TAF2: variants seen among roughly 807,000 people sequenced by gnomAD.
TAF2 encodes transcription initiation factor TFIID subunit 2.
TAF2 carries 61 observed loss-of-function variants against 138.5 expected under a neutral mutation model. The observed-to-expected ratio is 0.44, with a 90% CI of 0.36 to 0.54. The LOEUF is 0.54. TAF2 is among the 20% of genes least tolerant of loss of function. The pLI, the probability that TAF2 is intolerant of heterozygous loss-of-function variation, is 0.00. For missense variants in TAF2, 1,090 were observed against 1,427.9 expected, an observed-to-expected ratio of 0.76 and a Z score of 3.81; for synonymous variants, 475 against 469.9, an observed-to-expected ratio of 1.01 and a Z score of -0.14.
At chr8:119,832,230 G>A (rs1377871253) in intron 1 of TAF2, among the ~76,000 whole-genome samples, 1 of 150,076 alleles carries the variant, frequency 6.7e-6, no homozygotes, top group Non-Finnish European at 1.5e-5. Context: ...CAACAGTCAC[G>A]AAAACAGATT....
chr8:119,797,982 T>C lies in TAF2; in HGVS notation c.793-136A>G, dbSNP rs571155506. ...ATAATTTCAAGATGCTGAAAGAAAATGTTGTGAAAATAGTGATCACTTTTA... is the reference window on the plus strand; with the variant it reads ...ATAATTTCAAGATGCTGAAAGAAAACGTTGTGAAAATAGTGATCACTTTTA... On this transcript the variant is annotated intron_variant, in intron 6 of 25. Transcript: ENST00000378164. 3,556 of 883,638 alleles carry C rather than the reference T, an allele frequency of 4.0e-3. 19 individuals carry two copies. Among genetic ancestry groups the C allele is most frequent in the Non-Finnish European group, 5.6e-3 (3,224 of 580,190 alleles). The allele number at this position is 883,638 out of a possible 1,614,324, so 54.7% of individuals were successfully genotyped here. A position where few individuals can be genotyped will look rare whatever the true frequency, so the allele number is the denominator to read the frequency against.
At chr8:119,781,984 G>A (rs1033174233) in intron 16 of TAF2, among the ~76,000 whole-genome samples, 7 of 151,950 alleles carry the variant, frequency 4.6e-5, no homozygotes, top group African/African-American at 7.2e-5. Flanking sequence ...CACTGCACTC[G>A]GCCGAAAAAA....
At position 119,732,581 on chromosome 8, in the gene TAF2, A is replaced by G. The variant is rs1160917620; in HGVS notation, c.3338-395T>C. ...CACTTTGGGAGGCCAAGGCGGGTAG[A>G]TCACTTGAGGTCAGGAGTTCGAAAC... On this transcript the variant is annotated intron_variant, in intron 25 of 25. Transcript: ENST00000378164. 2.6e-5 allele frequency among the ~76,000 whole-genome samples: 4 copies of G among 152,278 alleles called. No homozygotes were observed. The East Asian group carries it at 7.7e-4, about 29-fold the overall frequency.
At chr8:119,744,219 A>T in intron 24 of TAF2, 69 bp downstream of exon 24, 1 of 1,315,692 alleles carries the variant, frequency 7.6e-7, no homozygotes, top group Admixed American at 1.7e-5. Context: ...AAATAAAGTA[A>T]CACACATTAG....
At chr8:119,808,127 G>A (rs1256707230) in intron 3 of TAF2, among the ~76,000 whole-genome samples, 1 of 151,524 alleles carries the variant, frequency 6.6e-6, no homozygotes, top group African/African-American at 2.4e-5. Flanking sequence ...AACTATTCAA[G>A]GTAACAACTA....
At position 119,819,333 on chromosome 8, in the gene TAF2, G is replaced by T. The variant is rs1360176015; in HGVS notation, c.299+13C>A. 1 of 1,611,536 alleles carries T rather than the reference G, an allele frequency of 6.2e-7. No individual in the cohort carries two copies. The highest frequency in any genetic ancestry group is 1.1e-5 in the South Asian group (1 of 91,022). On this transcript the variant is annotated intron_variant, in intron 3 of 25. Coordinates refer to ENST00000378164, the MANE Select transcript of TAF2 (RefSeq NM_003184.4). ...ACTGTTAAAAATAGTGACTTTTAAA[G>T]TGCATAACTTACTGTTTTGATTCAC...
At chr8:119,746,619 A>T (rs1819993148) in intron 23 of TAF2, 86 bp downstream of exon 23, 2 of 1,394,744 alleles carry the variant, frequency 1.4e-6, no homozygotes, top group African/African-American at 2.8e-5. Context: ...GTGGCTATAA[A>T]ATTCACTAGT....
chr8:119,768,902 T>C (rs984501052), intron 18 of TAF2, among the ~76,000 whole-genome samples: 1 of 152,154 alleles, frequency 6.6e-6, no homozygotes, highest in Non-Finnish European at 1.5e-5. Context: ...CGGTTCTCAA[T>C]CACACTATGG....
Position 119,783,540 on chromosome 8 carries a change from A to G in TAF2, c.1953T>C (p.Tyr651=), listed in dbSNP as rs139720628. 5.6e-6 allele frequency: 9 copies of G among 1,614,054 alleles called. No individual in the cohort carries two copies. Among genetic ancestry groups the G allele is most frequent in the Non-Finnish European group, 7.6e-6 (9 of 1,180,024 alleles). Residue 651 remains tyrosine, a synonymous_variant, in exon 16 of 26, where the codon TAT becomes TAC. Transcript: ENST00000378164. ...EFEQADFMWQ[Y]QLRYERDVVA... ...CAACATCTCTCTCATAGCGGAGCTG[A>G]TACTGCCACATAAAATCAGCTTGCT...
chr8:119,811,202 G>A (rs986025156), intron 3 of TAF2, among the ~76,000 whole-genome samples: 3 of 151,820 alleles, frequency 2.0e-5, no homozygotes, highest in Non-Finnish European at 4.4e-5. Flanking sequence ...GTAAATTAAG[G>A]GAATAGATAT....
intron 23 of TAF2, among the ~76,000 whole-genome samples, chr8:119,745,961 A>G (rs1051336378): frequency 5.3e-5 from 8 of 152,122 alleles, no homozygotes; most frequent in African/African-American, 1.9e-4. Flanking sequence ...GGCATTTATC[A>G]TATGTTTAGA....
At chr8:119,790,736 C>T (rs1270790784) in intron 11 of TAF2, among the ~76,000 whole-genome samples, 1 of 152,042 alleles carries the variant, frequency 6.6e-6, no homozygotes, top group African/African-American at 2.4e-5. Context: ...GCATTTCATC[C>T]TTAATACAAT....
intron 16 of TAF2, among the ~76,000 whole-genome samples, chr8:119,781,594 T>C (rs1254958448): frequency 6.6e-6 from 1 of 151,916 alleles, no homozygotes; most frequent in African/African-American, 2.4e-5. Flanking sequence ...GTGGGAGAAC[T>C]GCTTGACTCA....
At position 119,777,226 on chromosome 8, in the gene TAF2, C is replaced by G. The variant is rs544077182; in HGVS notation, c.2364+793G>C. ...AGATTTTGGTATACAAAAAGGGGGTCCTGGAACCAATCCCCCATGGATATT... is the reference window on the plus strand; with the variant it reads ...AGATTTTGGTATACAAAAAGGGGGTGCTGGAACCAATCCCCCATGGATATT... On this transcript the variant is annotated intron_variant, in intron 18 of 25. Transcript: ENST00000378164. Among the ~76,000 whole-genome samples the G allele has an allele frequency of 3.3e-5, 5 of 152,172 alleles. No individual in the cohort carries two copies. In the South Asian group the frequency reaches 1.0e-3, roughly 32 times the overall value.
chr8:119,788,452 TA>T lies in TAF2; in HGVS notation c.1684-6del, dbSNP rs147577004. ...CACTGTCACTTTAAGTGGTCCCTTT[TA>T]AAAAAAAAACGTACTGTTCAGAGAT... On this transcript the variant is annotated splice_region_variant and splice_polypyrimidine_tract_variant and intron_variant, in intron 13 of 25. Transcript: ENST00000378164. The T allele has an allele frequency of 3.0e-3, 4,440 of 1,499,782 alleles. 90 individuals are homozygous for T. The African/African-American group carries it at 0.049, about 17-fold the overall frequency. 92.9% of individuals were successfully genotyped at this position (1,499,782 alleles called of 1,614,324 possible).
At chr8:119,812,723 GT>G in intron 3 of TAF2, among the ~76,000 whole-genome samples, 1 of 53,458 alleles carries the variant, frequency 1.9e-5, no homozygotes, top group Admixed American at 2.9e-4. Context: ...TCCATGGTGT[GT>G]GTGTGTGTGT....
At chr8:119,802,167 C>G (rs1824310616) in intron 5 of TAF2, 142 bp from the exon 6 acceptor site, 1 of 681,740 alleles carries the variant, frequency 1.5e-6, no homozygotes. Context: ...TTTTACTGTA[C>G]AACCTGAAAA....
chr8:119,820,625 A>C (rs1024966128), intron 2 of TAF2, among the ~76,000 whole-genome samples: 94 of 152,244 alleles, frequency 6.2e-4, no homozygotes, highest in African/African-American at 2.2e-3. Flanking sequence ...AAATAATTCC[A>C]AACAATTCCC....
At chr8:119,831,539 G>A (rs12542706) in intron 2 of TAF2, 138 bp downstream of exon 2, 178,822 of 588,876 alleles carry the variant, frequency 0.3, 30,369 homozygotes, top group Admixed American at 0.46. Context: ...TAATCATACA[G>A]ACCCTAATTT....
Sources: allele counts gnomAD v4.1 joint callset (sites outside exome capture counted in the v4.1 genomes callset), GRCh38; gene constraint gnomAD v4.1.1; transcripts MANE v1.5; gene names NCBI Gene and HGNC (gene_info 2026-07-23, HGNC 2026-07-21).